The following SSBP4 variants were observed in gnomAD, a reference collection of about 807,000 sequenced individuals.
The protein encoded by SSBP4 is single stranded DNA binding protein 4.
Under a neutral mutation model 64.6 loss-of-function variants are expected in SSBP4, and 33 were observed. The observed-to-expected ratio is 0.51, with a 90% CI of 0.39 to 0.68. SSBP4 has a LOEUF of 0.68. Among genes scored for constraint, SSBP4 ranks in the 30% least tolerant of loss-of-function variants. The probability of loss-of-function intolerance (pLI) is 0.00; values close to 1 mark genes in which losing one functional copy is unlikely to be tolerated. For missense variants in SSBP4, 583 were observed against 566.8 expected (o/e 1.03, Z -0.29); for synonymous variants, 243 against 224.0 (o/e 1.08, Z -0.76).
At chr19:18,417,067 C>CTCCT (rs1163409484), upstream of SSBP4, among the ~76,000 whole-genome samples, 2 of 152,108 alleles carry the variant, frequency 1.3e-5, no homozygotes, top group East Asian at 3.9e-4. This position sits in a 1 kb window ranked among gnomAD's most constrained non-coding sequence, Gnocchi z 5.4. Flanking sequence ...GCCTCCCTCC[C>CTCCT]TCCTTCCCTC....
chr19:18,402,873 C>G, the SSBP4 span, among the ~76,000 whole-genome samples: 1 of 152,162 alleles, frequency 6.6e-6, no homozygotes, highest in African/African-American at 2.4e-5. Context: ...ATCGTCCCCC[C>G]AGCCCGACAC....
chr19:18,426,025 G>C lies in SSBP4; in HGVS notation c.60-1326G>C, dbSNP rs1277257745. The C allele has an allele frequency of 1.3e-5, 2 of 152,426 alleles. No individual in the cohort carries two copies. Among genetic ancestry groups the C allele is most frequent in the African/African-American group, 4.8e-5 (2 of 41,440 alleles). The allele number at this position is 152,426 out of a possible 1,614,324, so 9.4% of individuals were successfully genotyped here. ...TGGAGGAACTAATGAAGAAGTGAATGAACGAAGGAGGGGAGGCAGGATGAG... is the reference window on the plus strand; with the variant it reads ...TGGAGGAACTAATGAAGAAGTGAATCAACGAAGGAGGGGAGGCAGGATGAG... On this transcript the variant is annotated intron_variant, in intron 1 of 17. Coordinates refer to ENST00000270061, the MANE Select transcript of SSBP4 (RefSeq NM_032627.5). This position sits in a 1 kb window ranked among gnomAD's most constrained non-coding sequence, Gnocchi z 4.5.
At chr19:18,410,304 G>C in the SSBP4 span, among the ~76,000 whole-genome samples, 1 of 150,576 alleles carries the variant, frequency 6.6e-6, no homozygotes, top group Non-Finnish European at 1.5e-5. Context: ...CCTAATTTTT[G>C]TATTTTTAGT....
At chr19:18,424,055 C>T (rs1972661000) in intron 1 of SSBP4, among the ~76,000 whole-genome samples, 1 of 152,218 alleles carries the variant, frequency 6.6e-6, no homozygotes, top group African/African-American at 2.4e-5. Flanking sequence ...AAACTTTTCA[C>T]CCAAAACAAT....
chr19:18,412,661 C>T, the SSBP4 span, among the ~76,000 whole-genome samples: 1 of 151,886 alleles, frequency 6.6e-6, no homozygotes, highest in African/African-American at 2.4e-5. Flanking sequence ...CACACGACAC[C>T]CTTGATGCCG....
rs769539712 is a variant in SSBP4 at position 18,430,939 on chromosome 19, C to A, written c.369+9C>A. 1.9e-6 allele frequency: 3 copies of A among 1,611,030 alleles called. No individual in the cohort carries two copies. The highest frequency in any genetic ancestry group is 2.5e-6 in the Non-Finnish European group (3 of 1,179,734). On this transcript the variant is annotated intron_variant, in intron 5 of 17. Transcript: ENST00000270061. ...CGGCTGGCTTCTTCCAGGTATGGCC[C>A]CGGCTGGAGTCCACTGGCCCCCAAC...
rs1555724124 is a variant in SSBP4, at chr19:18,430,864, C to A, written c.303C>A (p.Pro101=). ...AGAGTGCTGCAGCCGCCCCCAGCCCCGTTATGGGGAGTATGGCCCCAGGTG... is the reference window on the plus strand; with the variant it reads ...AGAGTGCTGCAGCCGCCCCCAGCCCAGTTATGGGGAGTATGGCCCCAGGTG... ...QDYSAAAAPS[P]VMGSMAPGDT... is the part of the protein sequence containing the mutation. Residue 101 remains proline, a synonymous_variant, in exon 5 of 18, where the codon CCC becomes CCA. Transcript: ENST00000270061. 2 of 1,613,244 alleles carry A rather than the reference C, an allele frequency of 1.2e-6. No individual in the cohort carries two copies. Among genetic ancestry groups the A allele is most frequent in the Non-Finnish European group, 8.5e-7 (1 of 1,179,784 alleles).
At chr19:18,417,646 T>A (rs962859591), upstream of SSBP4, among the ~76,000 whole-genome samples, 1 of 152,082 alleles carries the variant, frequency 6.6e-6, no homozygotes, top group Non-Finnish European at 1.5e-5. This position sits in a 1 kb window ranked among gnomAD's most constrained non-coding sequence, Gnocchi z 5.4. Flanking sequence ...CCTGCGGAAT[T>A]GTGCGGGCCC....
rs771309431 is a variant in SSBP4, at chr19:18,433,154, C to A, written c.932C>A (p.Pro311Gln). The change falls in exon 15 of 18, where the codon CCG (proline) becomes CAG (glutamine). Residue 311 changes from proline (P) to glutamine (Q), a missense_variant. This residue lies in a region of SSBP4 where 444 missense variants were observed against 386.6 expected (regional missense o/e 1.15). Transcript: ENST00000270061. ...GRANFPLGPG[P>Q]EGPMAAMSAM... ...CCGCAGTTCCCGCTCGGCCCTGGCC[C>A]GGAGGGCCCCATGGCCGCCATGAGC... The A allele has an allele frequency of 2.5e-6, 4 of 1,600,046 alleles. No individual in the cohort carries two copies. The highest frequency in any genetic ancestry group is 2.6e-6 in the Non-Finnish European group (3 of 1,174,286).
At chr19:18,433,301 G>A (rs1600366925) in intron 15 of SSBP4, 88 bp downstream of exon 15, 3 of 1,482,654 alleles carry the variant, frequency 2.0e-6, no homozygotes, top group East Asian at 5.0e-5. Context: ...CCCGCCTGCC[G>A]GGTGGAGGCG....
In SSBP4 at chr19:18,430,861, C is replaced by T; in HGVS notation, c.300C>T (p.Ser100=). 2 of 1,613,174 alleles carry T rather than the reference C, an allele frequency of 1.2e-6. No homozygotes were observed. Among genetic ancestry groups the T allele is most frequent in the South Asian group, 1.1e-5 (1 of 91,070 alleles). ...TACAGAGTGCTGCAGCCGCCCCCAG[C>T]CCCGTTATGGGGAGTATGGCCCCAG... ...FQDYSAAAAP[S]PVMGSMAPGD... is the part of the protein sequence containing the mutation. Residue 100 remains serine, a synonymous_variant, in exon 5 of 18, where the codon AGC becomes AGT. Coordinates refer to ENST00000270061, the MANE Select transcript of SSBP4 (RefSeq NM_032627.5).
rs780540357 is a variant in SSBP4, at chr19:18,432,960, T to A, written c.842-13T>A. 1 of 1,614,124 alleles carries A rather than the reference T, an allele frequency of 6.2e-7. No homozygotes were observed. The highest frequency in any genetic ancestry group is 8.5e-7 in the Non-Finnish European group (1 of 1,180,014). ...AACCCCGTCACACCTGGCACCCTTCTGGTCTCCCCCAGATTCCACCAACTC... is the reference window on the plus strand; with the variant it reads ...AACCCCGTCACACCTGGCACCCTTCAGGTCTCCCCCAGATTCCACCAACTC... On this transcript the variant is annotated splice_polypyrimidine_tract_variant and intron_variant, in intron 13 of 17. Transcript: ENST00000270061.
At chr19:18,425,129 C>T (rs1387313655) in intron 1 of SSBP4, among the ~76,000 whole-genome samples, 2 of 151,640 alleles carry the variant, frequency 1.3e-5, no homozygotes, top group Non-Finnish European at 1.5e-5. Flanking sequence ...TAGGGGGCCA[C>T]CTCCTGGGTT....
In SSBP4 at chr19:18,427,647, TTCCCTCCCCAC is replaced by T; in HGVS notation, c.133-96_133-86del. On this transcript the variant is annotated intron_variant, in intron 2 of 17. Transcript: ENST00000270061. The surrounding 1 kb of genome is among the most constrained non-coding windows in gnomAD (Gnocchi z 4.4). ...GGGCCCTCTGCCCACCCTGTTACCC[TTCCCTCCCCAC>T]TCCCTCCCTGCCCAGATGTTCTCTG... is the stretch of plus-strand genomic sequence containing the variant. 7.2e-7 allele frequency: 1 copy of T among 1,381,180 alleles called. No individual in the cohort carries two copies. Among genetic ancestry groups the T allele is most frequent in the Non-Finnish European group, 9.8e-7 (1 of 1,023,998 alleles). The allele number at this position is 1,381,180 out of a possible 1,614,324, so 85.6% of individuals were successfully genotyped here.
Position 18,431,430 on chromosome 19 carries a change from T to C in SSBP4, c.435+12T>C. On this transcript the variant is annotated intron_variant, in intron 6 of 17. Transcript: ENST00000270061. ...GGCCTCACGGTCAGGTAAGGAGCTGTGGTGCCTGCCCCTCACACACACACA... is the reference window on the plus strand; with the variant it reads ...GGCCTCACGGTCAGGTAAGGAGCTGCGGTGCCTGCCCCTCACACACACACA... The C allele has an allele frequency of 6.7e-7, 1 of 1,493,940 alleles. No homozygotes were observed. The highest frequency in any genetic ancestry group is 2.2e-5 in the Admixed American group (1 of 45,842). 92.5% of individuals were successfully genotyped at this position (1,493,940 alleles called of 1,614,324 possible).
rs377079447 is a variant in SSBP4 at position 18,427,308 on chromosome 19, G to T, written c.60-43G>T. The stretch of plus-strand genomic sequence containing the variant: ...TGGAGGGGCTTTGGGGTGGGCCCTT[G>T]CCTTGGAGAGTCTGAGCTCCCTGGG... On this transcript the variant is annotated intron_variant, in intron 1 of 17. Transcript: ENST00000270061. The surrounding 1 kb of genome is among the most constrained non-coding windows in gnomAD (Gnocchi z 4.4). 121 of 1,599,858 alleles carry T rather than the reference G, an allele frequency of 7.6e-5. No individual in the cohort carries two copies. Among genetic ancestry groups the T allele is most frequent in the Non-Finnish European group, 9.8e-5 (115 of 1,176,362 alleles).
chr19:18,430,963 A>C (rs767296844), intron 5 of SSBP4, 33 bp downstream of exon 5: 3 of 1,602,098 alleles, frequency 1.9e-6, no homozygotes, highest in Non-Finnish European at 2.6e-6. Context: ...CTGGCCCCCA[A>C]CTCTGGCTGA....
Position 18,434,200 on chromosome 19 carries a change from C to G in SSBP4, c.1129-17C>G. 6.2e-7 allele frequency: 1 copy of G among 1,611,474 alleles called. No homozygotes were observed. The highest frequency in any genetic ancestry group is 1.7e-5 in the Admixed American group (1 of 59,932). ...CTGAACTCGGCCCCTGCGCGCTGCC[C>G]CCTCCTCTCTCCGCAGTACTCGCCA... On this transcript the variant is annotated splice_polypyrimidine_tract_variant and intron_variant, in intron 17 of 17. Transcript: ENST00000270061.
chr19:18,410,732 G>T, the SSBP4 span, among the ~76,000 whole-genome samples: 1 of 151,928 alleles, frequency 6.6e-6, no homozygotes, highest in Non-Finnish European at 1.5e-5. Context: ...GGGATGCTGG[G>T]GGCGGGACCT....
Sources: allele counts gnomAD v4.1 joint callset (sites outside exome capture counted in the v4.1 genomes callset), GRCh38; gene constraint gnomAD v4.1.1; regional missense constraint gnomAD v4.1.1; non-coding constraint Gnocchi (gnomAD v3.1); transcripts MANE v1.5; gene names NCBI Gene and HGNC (gene_info 2026-07-23, HGNC 2026-07-21).